SIPA1L2: variants seen among roughly 807,000 people sequenced by gnomAD.
The protein encoded by SIPA1L2 is signal-induced proliferation-associated 1-like protein 2.
Under a neutral mutation model 163.9 loss-of-function variants are expected in SIPA1L2, and 56 were observed. The ratio of observed to expected loss-of-function variants is 0.34; its 90% confidence interval spans 0.28 to 0.43. The LOEUF (loss-of-function observed/expected upper bound fraction) is 0.43, where lower values mean the gene tolerates loss of function less well. Ranked by LOEUF, SIPA1L2 falls within the 20% of genes least tolerant of loss-of-function variation. The probability of loss-of-function intolerance (pLI) is 1.00; values close to 1 mark genes in which losing one functional copy is unlikely to be tolerated. For synonymous variants in SIPA1L2, 877 were observed against 865.7 expected, an observed-to-expected ratio of 1.01 and a Z score of -0.23; for missense variants, 1,974 against 2,193.5, an observed-to-expected ratio of 0.90 and a Z score of 2.00.
intron 3 of SIPA1L2, 50 bp downstream of exon 3, chr1:232,513,807 T>C (rs1333018327): frequency 2.0e-6 from 3 of 1,518,470 alleles, no homozygotes; most frequent in Non-Finnish European, 1.8e-6. Context: ...TGACTGGTTC[T>C]TAAAAAACTA....
chr1:232,477,373 C>A (rs1214429510), intron 7 of SIPA1L2, among the ~76,000 whole-genome samples: 2 of 152,110 alleles, frequency 1.3e-5, no homozygotes, highest in South Asian at 2.1e-4. Flanking sequence ...ATTTTAAGTG[C>A]TTTACATGCA....
At chr1:232,453,577 A>G (rs1663713635) in intron 10 of SIPA1L2, among the ~76,000 whole-genome samples, 1 of 152,242 alleles carries the variant, frequency 6.6e-6, no homozygotes, top group South Asian at 2.1e-4. Context: ...AGTGCTCCAC[A>G]TACATCATCT....
intron 6 of SIPA1L2, among the ~76,000 whole-genome samples, chr1:232,480,150 T>TGTGC (rs1337171659): frequency 2.4e-5 from 3 of 124,876 alleles, no homozygotes; most frequent in Non-Finnish European, 4.8e-5. Context: ...TGTGTGTGTG[T>TGTGC]GTGCGTGTGT....
chr1:232,475,317 G>A (rs1180866997), intron 7 of SIPA1L2, among the ~76,000 whole-genome samples: 2 of 152,180 alleles, frequency 1.3e-5, no homozygotes, highest in African/African-American at 4.8e-5. Flanking sequence ...TGCCTGGAAA[G>A]CTCCTCCCCT....
chr1:232,405,190 G>A (rs951049100), intron 19 of SIPA1L2, among the ~76,000 whole-genome samples: 24 of 152,244 alleles, frequency 1.6e-4, no homozygotes, highest in African/African-American at 1.7e-4. Context: ...TGAAAGCACC[G>A]TCAGTGCCCT....
In SIPA1L2 at chr1:232,515,301, C is replaced by G. The variant is rs748289351; in HGVS notation, c.39G>C (p.Lys13Asn). The G allele has an allele frequency of 6.2e-6, 10 of 1,609,282 alleles. No homozygotes were observed. The highest frequency in any genetic ancestry group is 8.5e-6 in the Non-Finnish European group (10 of 1,177,296). Residue 13 changes from lysine (K) to asparagine (N), a missense_variant, in exon 3 of 23, where the codon AAG becomes AAC. By Grantham distance (94) the Lys-to-Asn change is moderately conservative. Transcript: ENST00000674635. The part of the protein sequence containing the change: ...DPRQSQEEKH[K>N]LGRASSKFKD... ...TGAACTTTGAAGAGGCTCTGCCTAG[C>G]TTGTGCTTCTCTTCTTGTGACTGCC...
At chr1:232,575,355 C>T (rs1018146810) in intron 1 of SIPA1L2, among the ~76,000 whole-genome samples, 4 of 152,050 alleles carry the variant, frequency 2.6e-5, no homozygotes, top group African/African-American at 7.3e-5. Flanking sequence ...CTTTGAGAGG[C>T]GATAAACTAT....
chr1:232,490,264 C>A (rs1300556393), intron 5 of SIPA1L2, among the ~76,000 whole-genome samples: 2 of 152,148 alleles, frequency 1.3e-5, no homozygotes, highest in African/African-American at 4.8e-5. Flanking sequence ...TCTTAGAATT[C>A]TATCCAAGTC....
chr1:232,575,926 A>C (rs1660053579), intron 1 of SIPA1L2, among the ~76,000 whole-genome samples: 1 of 152,264 alleles, frequency 6.6e-6, no homozygotes, highest in Admixed American at 6.5e-5. Flanking sequence ...AGTCACAAAA[A>C]GGACAAATAC....
intron 2 of SIPA1L2, among the ~76,000 whole-genome samples, chr1:232,522,318 T>C (rs1342961445): frequency 6.6e-6 from 1 of 152,176 alleles, no homozygotes; most frequent in African/African-American, 2.4e-5. Flanking sequence ...TGCTCCCATG[T>C]GTTGACCTTC....
At chr1:232,420,610 C>A (rs373633524) in intron 18 of SIPA1L2, among the ~76,000 whole-genome samples, 18 of 152,044 alleles carry the variant, frequency 1.2e-4, no homozygotes, top group Non-Finnish European at 2.2e-4. Flanking sequence ...CCGAGGCGGG[C>A]GGATCACGAG....
chr1:232,627,837 C>A (rs1213462607), intron 1 of SIPA1L2, among the ~76,000 whole-genome samples: 2 of 152,238 alleles, frequency 1.3e-5, no homozygotes, highest in African/African-American at 4.8e-5. Flanking sequence ...AGGTTCATTT[C>A]ACCCCATCTA....
At chr1:232,432,095 A>T (rs1416018559) in intron 16 of SIPA1L2, 152 bp downstream of exon 16, 17 of 656,254 alleles carry the variant, frequency 2.6e-5, no homozygotes, top group Non-Finnish European at 4.3e-5. Context: ...TTTATAGGGA[A>T]ATATAAACAT....
rs201561594 is a variant in SIPA1L2 at position 232,399,119 on chromosome 1, C to T, written c.*8G>A. 71 of 1,613,802 alleles carry T rather than the reference C, an allele frequency of 4.4e-5. No homozygotes were observed. Among genetic ancestry groups the T allele is most frequent in the Non-Finnish European group, 5.5e-5 (65 of 1,179,976 alleles). On this transcript the variant is annotated 3_prime_UTR_variant, in exon 23 of 23. Transcript: ENST00000674635. Reference sequence around the variant, plus strand: ...TTCCCAGTGGTCCCTTGATGAGGTGCGGATTGGCTAAGATTTTTTGTCGAT... The same window carrying T: ...TTCCCAGTGGTCCCTTGATGAGGTGTGGATTGGCTAAGATTTTTTGTCGAT...
chr1:232,566,105 T>C (rs149692735), intron 2 of SIPA1L2, among the ~76,000 whole-genome samples: 158 of 152,338 alleles, frequency 1.0e-3, no homozygotes, highest in Non-Finnish European at 1.2e-3. Context: ...TTTAATTCAG[T>C]TTTAAATTTC....
chr1:232,593,844 G>A (rs1054461625), intron 1 of SIPA1L2, among the ~76,000 whole-genome samples: 3 of 152,168 alleles, frequency 2.0e-5, no homozygotes, highest in African/African-American at 7.2e-5. Context: ...TGGTTGTACC[G>A]CCCTCACCTA....
At chr1:232,521,341 A>G (rs1197619979) in intron 2 of SIPA1L2, among the ~76,000 whole-genome samples, 1 of 152,222 alleles carries the variant, frequency 6.6e-6, no homozygotes, top group South Asian at 2.1e-4. Context: ...TCCTTGATGT[A>G]GTTAAGAATT....
intron 2 of SIPA1L2, among the ~76,000 whole-genome samples, chr1:232,541,795 C>T (rs180995382): frequency 1.3e-5 from 2 of 149,340 alleles, no homozygotes; most frequent in East Asian, 3.9e-4. Context: ...GCATTCTTCA[C>T]AAGAGTAGAG....
At chr1:232,526,665 C>A (rs1450246018) in intron 2 of SIPA1L2, among the ~76,000 whole-genome samples, 1 of 152,210 alleles carries the variant, frequency 6.6e-6, no homozygotes, top group Non-Finnish European at 1.5e-5. Context: ...ACTCCAGAAT[C>A]TATATACCGT....
Sources: allele counts gnomAD v4.1 joint callset (sites outside exome capture counted in the v4.1 genomes callset), GRCh38; gene constraint gnomAD v4.1.1; transcripts MANE v1.5; gene names NCBI Gene and HGNC (gene_info 2026-07-23, HGNC 2026-07-21).